The following ADAMTS12 variants were observed in gnomAD, a reference collection of about 807,000 sequenced individuals.
ADAMTS12 encodes the protein ADAM metallopeptidase with thrombospondin type 1 motif 12, also known as A disintegrin and metalloproteinase with thrombospondin motifs 12.
Under a neutral mutation model 167.8 loss-of-function variants are expected in ADAMTS12, and 118 were observed. That is an observed-to-expected ratio of 0.70 (90% CI 0.61 to 0.82). The LOEUF (loss-of-function observed/expected upper bound fraction) is 0.82, where lower values mean the gene tolerates loss of function less well. Among genes scored for constraint, ADAMTS12 ranks in the 40% least tolerant of loss-of-function variants. The pLI, the probability that ADAMTS12 is intolerant of heterozygous loss-of-function variation, is 0.00. For synonymous variants in ADAMTS12, 704 were observed against 716.9 expected, an observed-to-expected ratio of 0.98 and a Z score of 0.29; for missense variants, 1,916 against 1,998.8, an observed-to-expected ratio of 0.96 and a Z score of 0.79.
In ADAMTS12 at chr5:33,683,073, A is replaced by T; in HGVS notation, c.860T>A (p.Ile287Asn). Residue 287 changes from isoleucine to asparagine, a missense_variant, in exon 5 of 24, where the codon ATT becomes AAT. By Grantham distance (149) the Ile-to-Asn change is moderately radical (BLOSUM62 -3). Transcript: ENST00000504830. ...MVTGLFHNPS[I>N]GNAIHIVVVR... is the part of the protein sequence containing the mutation. The stretch of plus-strand genomic sequence containing the variant: ...CACAACAATGTGAATTGCATTGCCA[A>T]TGCTTGGGTTATGGAACAACCCAGT... 1.9e-6 allele frequency: 3 copies of T among 1,613,602 alleles called. No homozygotes were observed. The highest frequency in any genetic ancestry group is 2.5e-6 in the Non-Finnish European group (3 of 1,179,780).
At chr5:33,736,770 G>A (rs1446880953) in intron 3 of ADAMTS12, among the ~76,000 whole-genome samples, 1 of 152,128 alleles carries the variant, frequency 6.6e-6, no homozygotes. Flanking sequence ...ACTCAGAACC[G>A]GTCTCCATAC....
At chr5:33,590,465 TG>T (rs1747578256) in intron 17 of ADAMTS12, among the ~76,000 whole-genome samples, 2 of 152,188 alleles carry the variant, frequency 1.3e-5, no homozygotes, top group African/African-American at 4.8e-5. Flanking sequence ...GAAAAGGATT[TG>T]GGAGTGGTTT....
chr5:33,706,148 T>A (rs1743194325), intron 3 of ADAMTS12, among the ~76,000 whole-genome samples: 1 of 152,104 alleles, frequency 6.6e-6, no homozygotes, highest in Admixed American at 6.6e-5. Flanking sequence ...AATAGAGTCT[T>A]TTTGCATGCT....
At chr5:33,642,635 G>C (rs1740505512) in intron 10 of ADAMTS12, among the ~76,000 whole-genome samples, 1 of 152,172 alleles carries the variant, frequency 6.6e-6, no homozygotes, top group Non-Finnish European at 1.5e-5. Flanking sequence ...GTTTAGGAGA[G>C]TAAATATACA....
At position 33,588,802 on chromosome 5, in the gene ADAMTS12, C is replaced by T. The variant is rs1747491499; in HGVS notation, c.2662G>A (p.Ala888Thr). ...GCCGAGCATGCTTCCCACTCCCCTGCCCACCACCTGCAGGCAAACATGGAT... is the reference window on the plus strand; with the variant it reads ...GCCGAGCATGCTTCCCACTCCCCTGTCCACCACCTGCAGGCAAACATGGAT... ...HEKACPPRWW[A>T]GEWEACSATC... The change falls in exon 18 of 24, where the codon GCA becomes ACA. Residue 888 changes from alanine (A) to threonine (T), a missense_variant. Ala to Thr is a moderately conservative substitution (Grantham distance 58). Coordinates refer to ENST00000504830, the MANE Select transcript of ADAMTS12 (RefSeq NM_030955.4). The T allele has an allele frequency of 6.2e-7, 1 of 1,613,184 alleles. No individual in the cohort carries two copies. Among genetic ancestry groups the T allele is most frequent in the Non-Finnish European group, 8.5e-7 (1 of 1,180,006 alleles).
chr5:33,652,062 A>T (rs1420502556), intron 7 of ADAMTS12, among the ~76,000 whole-genome samples: 1 of 152,114 alleles, frequency 6.6e-6, no homozygotes, highest in African/African-American at 2.4e-5. Context: ...TGACTTTGCC[A>T]TTGTGAATAG....
chr5:33,761,681 A>C (rs1236348024), intron 2 of ADAMTS12, among the ~76,000 whole-genome samples: 2 of 152,156 alleles, frequency 1.3e-5, no homozygotes, highest in Non-Finnish European at 2.9e-5. Context: ...TCCATTTTCT[A>C]CGGCCGACTA....
At chr5:33,871,724 T>C (rs556389147) in intron 2 of ADAMTS12, among the ~76,000 whole-genome samples, 29 of 152,246 alleles carry the variant, frequency 1.9e-4, no homozygotes, top group African/African-American at 6.5e-4. Context: ...CAGTAAGCCT[T>C]GAGCTAGGCT....
intron 16 of ADAMTS12, among the ~76,000 whole-genome samples, chr5:33,597,488 C>A (rs1737953433): frequency 6.6e-6 from 1 of 152,118 alleles, no homozygotes; most frequent in Non-Finnish European, 1.5e-5. Context: ...CAGCCAAGGA[C>A]ACTGAGGGGC....
chr5:33,790,319 C>A (rs1437415561), intron 2 of ADAMTS12, among the ~76,000 whole-genome samples: 1 of 152,014 alleles, frequency 6.6e-6, no homozygotes, highest in Admixed American at 6.6e-5. Context: ...CTTTGGGAGG[C>A]CAAGGTGGAT....
At chr5:33,661,155 A>G (rs1741243403) in intron 6 of ADAMTS12, among the ~76,000 whole-genome samples, 1 of 152,236 alleles carries the variant, frequency 6.6e-6, no homozygotes, top group Non-Finnish European at 1.5e-5. Flanking sequence ...ACGGAGCCCA[A>G]GAAGAATTTA....
intron 16 of ADAMTS12, among the ~76,000 whole-genome samples, chr5:33,604,520 A>AC (rs1160529918): frequency 6.6e-6 from 1 of 150,994 alleles, no homozygotes; most frequent in African/African-American, 2.4e-5. Flanking sequence ...AAAAAAAGAA[A>AC]AGAAAAGAAA....
chr5:33,629,616 G>C (rs927427587), intron 13 of ADAMTS12, among the ~76,000 whole-genome samples: 1 of 152,138 alleles, frequency 6.6e-6, no homozygotes, highest in Non-Finnish European at 1.5e-5. Context: ...TTGCACAAAG[G>C]CTATCACAAC....
chr5:33,816,894 G>A (rs1487705358), intron 2 of ADAMTS12, among the ~76,000 whole-genome samples: 1 of 152,040 alleles, frequency 6.6e-6, no homozygotes, highest in Non-Finnish European at 1.5e-5. Context: ...TATATATTGG[G>A]TCTCTGTTGA....
chr5:33,605,325 G>A (rs1431337878), intron 16 of ADAMTS12, among the ~76,000 whole-genome samples: 1 of 152,110 alleles, frequency 6.6e-6, no homozygotes, highest in Non-Finnish European at 1.5e-5. Context: ...AAAAACTTTG[G>A]ATATCTTCTC....
chr5:33,814,254 G>A (rs1031602926), intron 2 of ADAMTS12, among the ~76,000 whole-genome samples: 2 of 152,086 alleles, frequency 1.3e-5, no homozygotes, highest in Non-Finnish European at 2.9e-5. Context: ...AATTCATCTG[G>A]AACTGATTTT....
chr5:33,804,535 G>C (rs374951642), intron 2 of ADAMTS12, among the ~76,000 whole-genome samples: 6 of 152,214 alleles, frequency 3.9e-5, no homozygotes, highest in East Asian at 1.9e-4. Flanking sequence ...AATGATGGCT[G>C]TTTAAAGCCA....
chr5:33,790,532 G>A (rs1304441956), intron 2 of ADAMTS12, among the ~76,000 whole-genome samples: 1 of 149,738 alleles, frequency 6.7e-6, no homozygotes, highest in African/African-American at 2.5e-5. Context: ...CTCCAGCCTG[G>A]GTGACAGAGC....
At chr5:33,782,998 C>T (rs931221299) in intron 2 of ADAMTS12, among the ~76,000 whole-genome samples, 3 of 152,002 alleles carry the variant, frequency 2.0e-5, no homozygotes, top group African/African-American at 7.2e-5. Flanking sequence ...GCCAACTATT[C>T]TCCAGGGTAG....
Sources: allele counts gnomAD v4.1 joint callset (sites outside exome capture counted in the v4.1 genomes callset), GRCh38; gene constraint gnomAD v4.1.1; transcripts MANE v1.5; gene names NCBI Gene and HGNC (gene_info 2026-07-23, HGNC 2026-07-21).